DLG2: variants seen among roughly 807,000 people sequenced by gnomAD.
DLG2 encodes the protein disks large homolog 2.
In DLG2, 45 loss-of-function variants were observed where a neutral mutation model predicts 132.5. That is an observed-to-expected ratio of 0.34 (90% CI 0.27 to 0.44). The LOEUF is 0.44. Among genes scored for constraint, DLG2 ranks in the 20% least tolerant of loss-of-function variants. The pLI, the probability that DLG2 is intolerant of heterozygous loss-of-function variation, is 1.00. For synonymous variants in DLG2, 424 were observed against 419.6 expected (o/e 1.01, Z -0.13); for missense variants, 1,045 against 1,196.9 (o/e 0.87, Z 1.87).
intron 7 of DLG2, among the ~76,000 whole-genome samples, chr11:84,449,042 T>G (rs1026743886): frequency 1.3e-5 from 2 of 151,204 alleles, no homozygotes; most frequent in African/African-American, 4.9e-5. Flanking sequence ...ATACTCATCT[T>G]CATACCATAA....
At chr11:84,746,131 C>G (rs1048748481) in intron 6 of DLG2, among the ~76,000 whole-genome samples, 1 of 151,314 alleles carries the variant, frequency 6.6e-6, no homozygotes, top group Admixed American at 6.6e-5. Flanking sequence ...ATTATAACAA[C>G]ATATTTTGAC....
intron 3 of DLG2, among the ~76,000 whole-genome samples, chr11:85,351,616 G>A (rs933370373): frequency 1.6e-4 from 24 of 152,174 alleles, no homozygotes; most frequent in African/African-American, 5.5e-4. Context: ...TTTTTAGCAT[G>A]AAGAGCTATT....
intron 3 of DLG2, among the ~76,000 whole-genome samples, chr11:85,390,621 T>C (rs765140970): frequency 1.3e-5 from 2 of 151,744 alleles, no homozygotes; most frequent in African/African-American, 4.8e-5. Flanking sequence ...AAAATGAAAA[T>C]AAACACCAAA....
At chr11:85,474,776 A>C (rs560538547) in intron 3 of DLG2, among the ~76,000 whole-genome samples, 1 of 151,734 alleles carries the variant, frequency 6.6e-6, no homozygotes, top group South Asian at 2.1e-4. Context: ...ATTAAAATTT[A>C]CTTAATGTAA....
intron 3 of DLG2, among the ~76,000 whole-genome samples, chr11:85,560,789 T>C (rs1270278450): frequency 1.3e-5 from 2 of 151,832 alleles, no homozygotes; most frequent in Admixed American, 1.3e-4. Context: ...CCCAGCACTT[T>C]GGGAGGCTGA....
intron 6 of DLG2, among the ~76,000 whole-genome samples, chr11:84,814,151 C>G (rs770047986): frequency 9.2e-5 from 14 of 151,954 alleles, no homozygotes; most frequent in Admixed American, 2.6e-4. Flanking sequence ...CAAGACTCCC[C>G]TCAAAGAAAG....
chr11:83,909,632 G>A (rs1219987930), intron 15 of DLG2, among the ~76,000 whole-genome samples: 2 of 152,126 alleles, frequency 1.3e-5, no homozygotes, highest in Non-Finnish European at 2.9e-5. Flanking sequence ...AATTACTGAT[G>A]TCCATTTCAA....
intron 6 of DLG2, among the ~76,000 whole-genome samples, chr11:84,625,638 A>C (rs1000261455): frequency 6.6e-6 from 1 of 152,224 alleles, no homozygotes; most frequent in African/African-American, 2.4e-5. Flanking sequence ...AGATGGAAAC[A>C]AAGTTGGCCT....
At chr11:84,866,329 C>T (rs1348482003) in intron 6 of DLG2, among the ~76,000 whole-genome samples, 1 of 152,132 alleles carries the variant, frequency 6.6e-6, no homozygotes. Flanking sequence ...ACCCACAAAC[C>T]CATGTGAGGA....
At chr11:84,962,961 T>C (rs1482640456) in intron 6 of DLG2, among the ~76,000 whole-genome samples, 1 of 152,194 alleles carries the variant, frequency 6.6e-6, no homozygotes, top group African/African-American at 2.4e-5. Context: ...CCCATAGGAC[T>C]ATCTTGAAGT....
rs879376647 is a variant in DLG2 at position 85,559,859 on chromosome 11, G to GATAGAGAT, written c.40+38797_40+38798insATCTCTAT. ...AGATAGATAGATAGATAGATAGATA[G>GATAGAGAT]AGATAAATATCCCTGGTGTAAAGTG... On this transcript the variant is annotated intron_variant, in intron 3 of 27. Transcript: ENST00000376104. Among the ~76,000 whole-genome samples the GATAGAGAT allele has an allele frequency of 7.6e-3, 1,145 of 149,746 alleles. 15 individuals carry two copies. The highest frequency in any genetic ancestry group is 0.027 in the African/African-American group (1,097 of 40,418).
intron 7 of DLG2, among the ~76,000 whole-genome samples, chr11:84,355,771 A>T (rs1294794258): frequency 6.6e-6 from 1 of 152,124 alleles, no homozygotes; most frequent in Non-Finnish European, 1.5e-5. Flanking sequence ...TAAATGAGAC[A>T]TTGTATAAAA....
chr11:84,845,641 T>C (rs2081363798), intron 6 of DLG2, among the ~76,000 whole-genome samples: 1 of 151,790 alleles, frequency 6.6e-6, no homozygotes, highest in African/African-American at 2.4e-5. Flanking sequence ...CATCCTTCCC[T>C]ATTGAAACAC....
At chr11:85,179,907 T>G (rs1261605318) in intron 4 of DLG2, among the ~76,000 whole-genome samples, 5 of 151,932 alleles carry the variant, frequency 3.3e-5, no homozygotes, top group African/African-American at 1.2e-4. Flanking sequence ...TAGTGCACCA[T>G]TATTATGGAT....
chr11:85,417,204 T>G (rs1359190815), intron 3 of DLG2, among the ~76,000 whole-genome samples: 1 of 152,192 alleles, frequency 6.6e-6, no homozygotes, highest in East Asian at 1.9e-4. Flanking sequence ...GAGATAATCA[T>G]GTGGTTTTTG....
intron 6 of DLG2, among the ~76,000 whole-genome samples, chr11:84,952,410 G>C (rs538445748): frequency 1.3e-5 from 2 of 152,036 alleles, no homozygotes; most frequent in Admixed American, 6.5e-5. Flanking sequence ...CCAGCTACTC[G>C]GGAGGCTGAG....
intron 15 of DLG2, among the ~76,000 whole-genome samples, chr11:83,898,879 G>GA (rs2072582972): frequency 6.6e-6 from 1 of 151,972 alleles, no homozygotes; most frequent in African/African-American, 2.4e-5. Context: ...GTATAATTCA[G>GA]AAAAAATATG....
At chr11:84,992,321 G>C (rs1198100490) in intron 6 of DLG2, among the ~76,000 whole-genome samples, 1 of 152,142 alleles carries the variant, frequency 6.6e-6, no homozygotes, top group Non-Finnish European at 1.5e-5. Flanking sequence ...TAGACCATAA[G>C]CTCCATGAAC....
chr11:84,018,926 G>T (rs189025183), intron 11 of DLG2, among the ~76,000 whole-genome samples: 1 of 151,986 alleles, frequency 6.6e-6, no homozygotes, highest in East Asian at 1.9e-4. Context: ...AAAACATAAA[G>T]GAATAGATGA....
Sources: gnomAD v4.1 joint callset for allele counts (sites outside exome capture counted in the v4.1 genomes callset) on GRCh38, gnomAD v4.1.1 for gene constraint, MANE v1.5 for transcripts, NCBI Gene and HGNC (gene_info 2026-07-23, HGNC 2026-07-21) for gene names.